FOXN3: variants seen among roughly 807,000 people sequenced by gnomAD.
FOXN3 encodes the protein forkhead box N3.
In FOXN3, 7 loss-of-function variants were observed where a neutral mutation model predicts 38.4. The observed-to-expected ratio is 0.18, with a 90% CI of 0.10 to 0.34. The LOEUF is 0.34. Ranked by LOEUF, FOXN3 falls within the 10% of genes least tolerant of loss-of-function variation. The probability of loss-of-function intolerance (pLI) is 1.00; values close to 1 mark genes in which losing one functional copy is unlikely to be tolerated. For synonymous variants in FOXN3, 230 were observed against 242.2 expected, an observed-to-expected ratio of 0.95 and a Z score of 0.47; for missense variants, 456 against 613.4, an observed-to-expected ratio of 0.74 and a Z score of 2.71.
intron 2 of FOXN3, among the ~76,000 whole-genome samples, chr14:89,374,295 G>GAAGGA (rs1236885219): frequency 7.3e-6 from 1 of 137,702 alleles, no homozygotes; most frequent in African/African-American, 2.8e-5. Context: ...AAAAAAGAAG[G>GAAGGA]AAGGAAAGGA....
rs945694638 is a variant in FOXN3 at position 89,357,735 on chromosome 14, T to A, written c.544-6927A>T. Among the ~76,000 whole-genome samples, 9 of 152,198 alleles carry A rather than the reference T, an allele frequency of 5.9e-5. 1 individual carries two copies. Among genetic ancestry groups the A allele is most frequent in the Admixed American group, 5.2e-4 (8 of 15,288 alleles). ...GTGTGGGATCATTTGATTTTCCATA[T>A]GAAAAAATATGTATATAAACATATA... On this transcript the variant is annotated intron_variant, in intron 2 of 5. Coordinates refer to ENST00000557258, the MANE Select transcript of FOXN3 (RefSeq NM_005197.4).
intron 2 of FOXN3, among the ~76,000 whole-genome samples, chr14:89,410,240 G>A (rs1251083030): frequency 6.6e-6 from 1 of 152,086 alleles, no homozygotes; most frequent in Non-Finnish European, 1.5e-5. Context: ...ATATTCTCAG[G>A]CTCAAGATTC....
intron 1 of FOXN3, among the ~76,000 whole-genome samples, chr14:89,571,511 A>C (rs79713669): frequency 1.6e-5 from 2 of 127,990 alleles, no homozygotes; most frequent in African/African-American, 7.3e-5. Context: ...TCTGTCTCAC[A>C]AAAAAAAAAA....
chr14:89,174,805 C>T (rs2139788167), intron 5 of FOXN3, among the ~76,000 whole-genome samples: 1 of 152,290 alleles, frequency 6.6e-6, no homozygotes, highest in East Asian at 1.9e-4. Flanking sequence ...TTCCCTTAAA[C>T]CTAGCTCTTT....
intron 3 of FOXN3, among the ~76,000 whole-genome samples, chr14:89,347,677 G>A (rs1336256427): frequency 6.6e-6 from 1 of 152,166 alleles, no homozygotes; most frequent in Non-Finnish European, 1.5e-5. Flanking sequence ...GCATGGGCCG[G>A]GCGCGGTGGC....
At position 89,156,538 on chromosome 14, in the gene FOXN3, C is replaced by T. The variant is rs562289639; in HGVS notation, c.*5876G>A. On this transcript the variant is annotated 3_prime_UTR_variant, in exon 6 of 6. Coordinates refer to ENST00000557258, the MANE Select transcript of FOXN3 (RefSeq NM_005197.4). Reference sequence around the variant, plus strand: ...TTGGCTTTTGAAAAATTATTACTCTCGTAAATTAATTTGGCCGTGTAGGTC... The same window carrying T: ...TTGGCTTTTGAAAAATTATTACTCTTGTAAATTAATTTGGCCGTGTAGGTC... The T allele has an allele frequency of 2.6e-5, 4 of 152,322 alleles. No homozygotes were observed. The East Asian group carries it at 7.7e-4, about 29-fold the overall frequency. 9.4% of individuals were successfully genotyped at this position (152,322 alleles called of 1,614,324 possible).
intron 1 of FOXN3, chr14:89,493,855 C>T (rs1481187741): frequency 6.7e-6 from 1 of 150,370 alleles, no homozygotes; most frequent in Non-Finnish European, 1.5e-5. Context: ...TCTCTACCCC[C>T]CTCCAAAAAA....
chr14:89,463,765 G>A (rs1892907796), intron 1 of FOXN3, among the ~76,000 whole-genome samples: 1 of 149,748 alleles, frequency 6.7e-6, no homozygotes, highest in African/African-American at 2.4e-5. Flanking sequence ...GAGATATGCA[G>A]GGGTAGTGGT....
At chr14:89,406,776 TA>T (rs34914582) in intron 2 of FOXN3, among the ~76,000 whole-genome samples, 116 of 148,106 alleles carry the variant, frequency 7.8e-4, no homozygotes, top group African/African-American at 2.3e-3. Context: ...GAGGAAAGGT[TA>T]AAAAAAAAAG....
In FOXN3 at chr14:89,163,630, C is replaced by T. The variant is rs1039846676; in HGVS notation, c.852-661G>A. ...GCCTAACAGAGAGGCAAGCCAGGGT[C>T]GCATCACAGACCAGAGGGCAATAAA... On this transcript the variant is annotated intron_variant, in intron 5 of 5. Transcript: ENST00000557258. The surrounding 1 kb of genome is among the most constrained non-coding windows in gnomAD (Gnocchi z 4.3). Among the ~76,000 whole-genome samples, 3 of 152,138 alleles carry T rather than the reference C, an allele frequency of 2.0e-5. No individual in the cohort carries two copies. Among genetic ancestry groups the T allele is most frequent in the Admixed American group, 6.5e-5 (1 of 15,268 alleles).
At chr14:89,307,373 T>G (rs941686380) in intron 3 of FOXN3, among the ~76,000 whole-genome samples, 1 of 152,172 alleles carries the variant, frequency 6.6e-6, no homozygotes. Flanking sequence ...AATCTACACC[T>G]TTTTTTAAGC....
At chr14:89,350,506 GGAA>G in intron 3 of FOXN3, 163 bp downstream of exon 3, 1 of 541,952 alleles carries the variant, frequency 1.8e-6, no homozygotes, top group Admixed American at 4.2e-5. Flanking sequence ...AAGGTTTGTA[GGAA>G]ATACAACAGT....
At chr14:89,284,100 C>A (rs1466883921) in intron 3 of FOXN3, among the ~76,000 whole-genome samples, 1 of 152,198 alleles carries the variant, frequency 6.6e-6, no homozygotes, top group Non-Finnish European at 1.5e-5. Flanking sequence ...AACTCCTGAC[C>A]TCAAGCGATC....
At chr14:89,230,926 C>T (rs1471970827) in intron 4 of FOXN3, 11 of 454,404 alleles carry the variant, frequency 2.4e-5, no homozygotes, top group Middle Eastern at 3.2e-4. Flanking sequence ...ATTTGAGCCT[C>T]GCAGCAACCC....
intron 2 of FOXN3, among the ~76,000 whole-genome samples, chr14:89,391,934 G>C (rs752816892): frequency 1.3e-5 from 2 of 152,164 alleles, no homozygotes; most frequent in Non-Finnish European, 2.9e-5. Flanking sequence ...TTGAACCCAG[G>C]AGGTGGAAGT....
In FOXN3 at chr14:89,446,087, C is replaced by CAAAAAAAAAAAAAAAAAA. The variant is rs576883864; in HGVS notation, c.-14-33615_-14-33598dup. ...TGGGTAACAGAGCGAGACCCTGCCT[C>CAAAAAAAAAAAAAAAAAA]AAAAAAAAAAAAAAAAAAAAAAAAT... On this transcript the variant is annotated intron_variant, in intron 1 of 6. Coordinates refer to the FOXN3 transcript ENST00000345097. Among the ~76,000 whole-genome samples, 63 of 40,102 alleles carry CAAAAAAAAAAAAAAAAAA rather than the reference C, an allele frequency of 1.6e-3. 5 individuals are homozygous for CAAAAAAAAAAAAAAAAAA. The highest frequency in any genetic ancestry group is 3.1e-3 in the East Asian group (4 of 1,282). The allele number at this position is 40,102 out of a possible 152,430, so 26.3% of individuals were successfully genotyped here.
At chr14:89,419,803 T>C (rs1275254801), upstream of FOXN3, 1 of 152,404 alleles carries the variant, frequency 6.6e-6, no homozygotes, top group East Asian at 1.9e-4. Context: ...ACACACTGTA[T>C]TGGTTATTAG....
At chr14:89,222,574 A>G (rs1295828248) in intron 4 of FOXN3, among the ~76,000 whole-genome samples, 1 of 152,114 alleles carries the variant, frequency 6.6e-6, no homozygotes, top group East Asian at 1.9e-4. Flanking sequence ...ATGACTATAA[A>G]AAGGAGCTCA....
chr14:89,525,631 TAAA>T (rs55848557), intron 1 of FOXN3, among the ~76,000 whole-genome samples: 178 of 123,856 alleles, frequency 1.4e-3, no homozygotes, highest in Non-Finnish European at 1.5e-3. Flanking sequence ...TTGTTTTCAC[TAAA>T]AAAAAAAAAA....
Sources: allele counts gnomAD v4.1 joint callset (sites outside exome capture counted in the v4.1 genomes callset), GRCh38; gene constraint gnomAD v4.1.1; non-coding constraint Gnocchi (gnomAD v3.1); transcripts MANE v1.5; gene names NCBI Gene and HGNC (gene_info 2026-07-23, HGNC 2026-07-21).